The following RBPJ variants were observed in gnomAD, a reference collection of about 807,000 sequenced individuals.
The protein encoded by RBPJ is recombining binding protein suppressor of hairless.
In RBPJ, 9 loss-of-function variants were observed where a neutral mutation model predicts 67.8. That is an observed-to-expected ratio of 0.13 (90% CI 0.08 to 0.23). The LOEUF is 0.23. Among genes scored for constraint, RBPJ ranks in the 10% least tolerant of loss-of-function variants. The probability of loss-of-function intolerance (pLI) is 1.00; values close to 1 mark genes in which losing one functional copy is unlikely to be tolerated. For missense variants in RBPJ, 305 were observed against 595.6 expected (o/e 0.51, Z 5.08); for synonymous variants, 198 against 203.3 (o/e 0.97, Z 0.22).
the RBPJ span, among the ~76,000 whole-genome samples, chr4:26,109,444 CTCTCTCTCTCTCTCTCTA>C: frequency 1.4e-4 from 4 of 28,436 alleles, no homozygotes; most frequent in African/African-American, 5.1e-4. Flanking sequence ...CTCTCTCTCT[CTCTCTCTCTCTCTCTCTA>C]TATATATATA....
intron 1 of RBPJ, among the ~76,000 whole-genome samples, chr4:26,184,323 G>C (rs73112566): frequency 0.023 from 3,457 of 152,240 alleles, 138 homozygotes; most frequent in African/African-American, 0.08. Context: ...ACTGGGGAGA[G>C]AGACTGGACT....
intron 1 of RBPJ, among the ~76,000 whole-genome samples, chr4:26,336,306 A>G (rs896943414): frequency 2.6e-5 from 4 of 152,148 alleles, no homozygotes; most frequent in African/African-American, 9.7e-5. Flanking sequence ...AGGAAGAGTT[A>G]TGGTTACTAT....
chr4:26,262,778 C>T (rs1720579990), intron 1 of RBPJ, among the ~76,000 whole-genome samples: 1 of 152,190 alleles, frequency 6.6e-6, no homozygotes, highest in Admixed American at 6.5e-5. Context: ...TGGGACATCC[C>T]TTTTATGGTC....
At chr4:26,256,811 T>C (rs758452286) in intron 1 of RBPJ, among the ~76,000 whole-genome samples, 2 of 152,210 alleles carry the variant, frequency 1.3e-5, no homozygotes, top group Non-Finnish European at 2.9e-5. Context: ...TGGAAGAACA[T>C]TGAGAACTTC....
At chr4:26,182,227 A>G (rs1357568044) in intron 1 of RBPJ, among the ~76,000 whole-genome samples, 1 of 151,908 alleles carries the variant, frequency 6.6e-6, no homozygotes, top group Non-Finnish European at 1.5e-5. Flanking sequence ...CTGTAGTCCC[A>G]GTTACTCGGG....
the RBPJ span, among the ~76,000 whole-genome samples, chr4:26,117,888 G>C: frequency 6.6e-6 from 1 of 151,954 alleles, no homozygotes; most frequent in African/African-American, 2.4e-5. Flanking sequence ...ATATTTGGCA[G>C]TGATTTAAAA....
chr4:26,324,368 TAAAAC>T (rs1274126937), intron 1 of RBPJ, among the ~76,000 whole-genome samples: 8 of 150,178 alleles, frequency 5.3e-5, no homozygotes, highest in African/African-American at 7.4e-5. Context: ...AAGGGACAAA[TAAAAC>T]AAATTACAGG....
intron 1 of RBPJ, among the ~76,000 whole-genome samples, chr4:26,221,380 G>A (rs775256754): frequency 2.4e-4 from 37 of 152,152 alleles, no homozygotes; most frequent in Non-Finnish European, 4.6e-4. Context: ...AGGAGCCACC[G>A]TGCCCGGCCT....
At chr4:26,402,346 C>G (rs1732920934) in intron 2 of RBPJ, among the ~76,000 whole-genome samples, 2 of 152,154 alleles carry the variant, frequency 1.3e-5, no homozygotes, top group Non-Finnish European at 2.9e-5. Flanking sequence ...GGAATCGGCA[C>G]CATTAATTTT....
At chr4:26,268,737 G>C (rs543213304) in intron 1 of RBPJ, among the ~76,000 whole-genome samples, 12 of 152,132 alleles carry the variant, frequency 7.9e-5, no homozygotes, top group South Asian at 4.2e-4. Context: ...GCCTGGCTGA[G>C]GGGGGAGGGG....
At chr4:26,113,398 G>A in the RBPJ span, 1 of 535,762 alleles carries the variant, frequency 1.9e-6, no homozygotes, top group African/African-American at 1.9e-5. Context: ...ACACAGGAGA[G>A]AAACCCTATG....
intron 1 of RBPJ, among the ~76,000 whole-genome samples, chr4:26,222,351 T>A (rs1169765238): frequency 6.6e-6 from 1 of 151,746 alleles, no homozygotes; most frequent in East Asian, 1.9e-4. Flanking sequence ...AAAAATTAGT[T>A]GGGCGTGGTG....
the RBPJ span, among the ~76,000 whole-genome samples, chr4:26,129,921 G>GT: frequency 6.6e-6 from 1 of 152,072 alleles, no homozygotes; most frequent in East Asian, 1.9e-4. Context: ...GGGTGCAGCA[G>GT]CGCCATCTCA....
At chr4:26,250,130 A>G (rs919710190) in intron 1 of RBPJ, among the ~76,000 whole-genome samples, 3 of 151,676 alleles carry the variant, frequency 2.0e-5, no homozygotes, top group Non-Finnish European at 4.4e-5. Flanking sequence ...TGTACCCATT[A>G]AGCAATACTT....
the RBPJ span, among the ~76,000 whole-genome samples, chr4:26,141,642 T>C: frequency 1.3e-5 from 2 of 152,226 alleles, no homozygotes; most frequent in Non-Finnish European, 2.9e-5. Flanking sequence ...GTCATTTCTT[T>C]GTGTTGGCAA....
intron 1 of RBPJ, among the ~76,000 whole-genome samples, chr4:26,248,826 G>GA: frequency 6.6e-6 from 1 of 152,294 alleles, no homozygotes; most frequent in South Asian, 2.1e-4. Flanking sequence ...GAGAACAAGA[G>GA]ACTAGAGATC....
At chr4:26,337,725 C>G (rs901297111) in intron 1 of RBPJ, among the ~76,000 whole-genome samples, 2 of 137,250 alleles carry the variant, frequency 1.5e-5, no homozygotes, top group Admixed American at 1.6e-4. Context: ...CTCACTCTGT[C>G]ACCCAGGCTG....
the RBPJ span, among the ~76,000 whole-genome samples, chr4:26,144,267 C>CTTTTTTTTT: frequency 3.8e-5 from 4 of 106,064 alleles, no homozygotes; most frequent in Admixed American, 2.5e-4. Flanking sequence ...TAAGAAAATT[C>CTTTTTTTTT]TTTTTTTTTT....
At chr4:26,148,865 T>A in the RBPJ span, among the ~76,000 whole-genome samples, 1 of 152,216 alleles carries the variant, frequency 6.6e-6, no homozygotes, top group Admixed American at 6.5e-5. Flanking sequence ...CAGGATGCTC[T>A]GAAACTGAGC....
Sources: allele counts gnomAD v4.1 joint callset (sites outside exome capture counted in the v4.1 genomes callset), GRCh38; gene constraint gnomAD v4.1.1; transcripts MANE v1.5; gene names NCBI Gene and HGNC (gene_info 2026-07-23, HGNC 2026-07-21).